The following DNAH14 variants were observed in gnomAD, a reference collection of about 807,000 sequenced individuals.
DNAH14 encodes axonemal beta dynein heavy chain 14.
A neutral mutation model predicts 520.9 loss-of-function variants in DNAH14; 478 were observed. That is an observed-to-expected ratio of 0.92 (90% CI 0.85 to 0.99). DNAH14 has a LOEUF of 0.99. DNAH14 is among the 50% of genes least tolerant of loss of function. DNAH14 has a pLI of 0.00. For synonymous variants in DNAH14, 1,581 were observed against 1,757.2 expected (o/e 0.90, Z 2.51); for missense variants, 4,831 against 5,234.5 (o/e 0.92, Z 2.38).
At position 225,377,337 on chromosome 1, in the gene DNAH14, C is replaced by A; in HGVS notation, c.12617C>A (p.Pro4206Gln). 1.3e-6 allele frequency: 2 copies of A among 1,551,028 alleles called. No individual in the cohort carries two copies. The highest frequency in any genetic ancestry group is 1.4e-5 in the African/African-American group (1 of 73,126). Reference sequence around the variant, plus strand: ...CTTCCCGAGGTCTTAGGAATACACCCAGAGGCCATCAGGAGCTGCTGGGAG... The same window carrying A: ...CTTCCCGAGGTCTTAGGAATACACCAAGAGGCCATCAGGAGCTGCTGGGAG... ...DDLPEVLGIH[P>Q]EAIRSCWETQ... The change falls in exon 79 of 86, where the codon CCA becomes CAA. Residue 4206 changes from proline to glutamine, a missense_variant. Pro to Gln is a moderately conservative substitution (Grantham distance 76, BLOSUM62 -1). Transcript: ENST00000682510.
chr1:225,389,652 C>A, intron 82 of DNAH14, 82 bp from the exon 83 acceptor site: 1 of 1,444,732 alleles, frequency 6.9e-7, no homozygotes, highest in Non-Finnish European at 9.3e-7. Flanking sequence ...AAGAAGGGCC[C>A]TGGGAGGAAA....
At chr1:224,975,185 CT>C (rs1198136735) in intron 8 of DNAH14, among the ~76,000 whole-genome samples, 1 of 151,640 alleles carries the variant, frequency 6.6e-6, no homozygotes, top group Non-Finnish European at 1.5e-5. Flanking sequence ...GTCTGAAATT[CT>C]CTTTTTTTGT....
intron 84 of DNAH14, chr1:225,398,046 CAAAAA>C (rs11458055): frequency 0.062 from 4,124 of 66,758 alleles, 70 homozygotes; most frequent in Middle Eastern, 0.15. Context: ...GACCCCATGT[CAAAAA>C]AAAAAAAAAA....
intron 82 of DNAH14, among the ~76,000 whole-genome samples, chr1:225,389,142 A>G (rs2095874582): frequency 6.6e-6 from 1 of 152,218 alleles, no homozygotes; most frequent in Non-Finnish European, 1.5e-5. Context: ...AGTGCCTCAC[A>G]GGATGTGGAG....
chr1:225,006,977 C>T (rs1314164095), intron 9 of DNAH14, among the ~76,000 whole-genome samples: 6 of 152,044 alleles, frequency 3.9e-5, no homozygotes, highest in Non-Finnish European at 8.8e-5. Context: ...TTTCTCAGAC[C>T]GGCTGACACT....
At chr1:225,364,108 T>C (rs1241039603) in intron 75 of DNAH14, among the ~76,000 whole-genome samples, 1 of 152,194 alleles carries the variant, frequency 6.6e-6, no homozygotes, top group East Asian at 1.9e-4. Flanking sequence ...AGTAATGTTA[T>C]CTCATTCTTG....
At chr1:225,185,226 G>C (rs2084546745) in intron 36 of DNAH14, 65 bp from the exon 37 acceptor site, 1 of 1,470,754 alleles carries the variant, frequency 6.8e-7, no homozygotes, top group African/African-American at 1.4e-5. Context: ...AATGGATATA[G>C]AGATATATTG....
intron 41 of DNAH14, among the ~76,000 whole-genome samples, chr1:225,217,668 T>G (rs946467054): frequency 6.6e-6 from 1 of 152,176 alleles, no homozygotes; most frequent in Admixed American, 6.5e-5. Context: ...GCTGGCATTG[T>G]GTGAGGCTCC....
At chr1:224,958,359 G>A (rs2060635837) in intron 3 of DNAH14, among the ~76,000 whole-genome samples, 2 of 152,028 alleles carry the variant, frequency 1.3e-5, no homozygotes, top group African/African-American at 2.4e-5. Context: ...TCCACGTAGG[G>A]CCTCTTTCAA....
At chr1:224,965,923 G>C (rs1019097127) in intron 5 of DNAH14, among the ~76,000 whole-genome samples, 1 of 152,088 alleles carries the variant, frequency 6.6e-6, no homozygotes, top group Non-Finnish European at 1.5e-5. Flanking sequence ...AAAGGATTGA[G>C]AATATGATTA....
At position 225,393,806 on chromosome 1, in the gene DNAH14, C is replaced by CT. The variant is rs375050737; in HGVS notation, c.13491+1362dup. On this transcript the variant is annotated intron_variant, in intron 84 of 85. Coordinates refer to ENST00000682510, the MANE Select transcript of DNAH14 (RefSeq NM_001367479.1). ...TTCTAGTGGACGTGCAGTGATATAT[C>CT]TTTTTTTGTTTTTTTTTTGTTTTTT... Among the ~76,000 whole-genome samples, 549 of 120,884 alleles carry CT rather than the reference C, an allele frequency of 4.5e-3. 7 individuals carry two copies. The highest frequency in any genetic ancestry group is 5.1e-3 in the Non-Finnish European group (273 of 53,826). 79.3% of individuals were successfully genotyped at this position (120,884 alleles called of 152,430 possible). A position where few individuals can be genotyped will look rare whatever the true frequency, so the allele number is the denominator to read the frequency against.
At position 225,391,444 on chromosome 1, in the gene DNAH14, C is replaced by A. The variant is rs560795743; in HGVS notation, c.13331-847C>A. ...CCATGATCATGCCACTGTACTCCAG[C>A]CTGGGCAACAGAGCAAGACCCTGTC... On this transcript the variant is annotated intron_variant, in intron 83 of 85. Transcript: ENST00000682510. Among the ~76,000 whole-genome samples, 18 of 152,242 alleles carry A rather than the reference C, an allele frequency of 1.2e-4. No homozygotes were observed. The South Asian group carries it at 3.7e-3, about 32-fold the overall frequency.
intron 47 of DNAH14, 95 bp from the exon 48 acceptor site, chr1:225,265,087 A>G: frequency 1.9e-5 from 16 of 837,452 alleles, no homozygotes; most frequent in Non-Finnish European, 2.6e-5. Context: ...TAGTAAAATT[A>G]TGTAATTTTC....
chr1:225,200,717 G>A (rs908546006), intron 38 of DNAH14, among the ~76,000 whole-genome samples: 3 of 152,154 alleles, frequency 2.0e-5, no homozygotes, highest in Non-Finnish European at 4.4e-5. Context: ...TTTCTGCTGA[G>A]AAATCTGCTG....
chr1:225,205,606 C>T (rs1008549932), intron 39 of DNAH14, among the ~76,000 whole-genome samples: 2 of 152,150 alleles, frequency 1.3e-5, no homozygotes, highest in African/African-American at 2.4e-5. Flanking sequence ...TTTCCCTTTG[C>T]TATTCCCCAA....
chr1:225,378,755 C>A (rs2095738087), intron 79 of DNAH14, among the ~76,000 whole-genome samples: 1 of 151,808 alleles, frequency 6.6e-6, no homozygotes, highest in African/African-American at 2.4e-5. Context: ...GTGGTGAGCA[C>A]CTGTAATCCC....
chr1:225,106,376 C>T (rs1023239012), intron 23 of DNAH14, among the ~76,000 whole-genome samples: 9 of 151,744 alleles, frequency 5.9e-5, no homozygotes, highest in African/African-American at 9.7e-5. Context: ...TTGCTCTTCT[C>T]GAGGAGTATC....
intron 41 of DNAH14, among the ~76,000 whole-genome samples, chr1:225,211,510 C>A (rs2149451718): frequency 6.6e-6 from 1 of 151,924 alleles, no homozygotes; most frequent in Non-Finnish European, 1.5e-5. Flanking sequence ...GTGAAAAGAC[C>A]AAACCTACAT....
At chr1:224,936,762 C>CA (rs1030494079) in intron 1 of DNAH14, among the ~76,000 whole-genome samples, 1 of 151,620 alleles carries the variant, frequency 6.6e-6, no homozygotes, top group African/African-American at 2.4e-5. Flanking sequence ...GAAGAACACA[C>CA]AAAAAAGGAA....
Sources: gnomAD v4.1 joint callset for allele counts (sites outside exome capture counted in the v4.1 genomes callset) on GRCh38, gnomAD v4.1.1 for gene constraint, MANE v1.5 for transcripts, NCBI Gene and HGNC (gene_info 2026-07-23, HGNC 2026-07-21) for gene names.